Variants in UGGT1 observed in about 807,000 individuals in gnomAD.
UGGT1 encodes UDP-glucose glycoprotein glucosyltransferase 1.
Under a neutral mutation model 203.9 loss-of-function variants are expected in UGGT1, and 107 were observed. The observed-to-expected ratio is 0.52, with a 90% CI of 0.45 to 0.62. The LOEUF (loss-of-function observed/expected upper bound fraction) is 0.62, where lower values mean the gene tolerates loss of function less well. UGGT1 is among the 20% of genes least tolerant of loss of function. The probability of loss-of-function intolerance (pLI) is 0.00; values close to 1 mark genes in which losing one functional copy is unlikely to be tolerated. For missense variants in UGGT1, 1,673 were observed against 1,867.2 expected, an observed-to-expected ratio of 0.90 and a Z score of 1.92; for synonymous variants, 628 against 653.5, an observed-to-expected ratio of 0.96 and a Z score of 0.59.
chr2:128,189,519 C>T (rs955778118), intron 40 of UGGT1, among the ~76,000 whole-genome samples, 198 bp from the exon 41 acceptor site: 1 of 152,154 alleles, frequency 6.6e-6, no homozygotes, highest in Admixed American at 6.5e-5. Context: ...CAGATAGTTT[C>T]CATTTTTAAA....
intron 15 of UGGT1, among the ~76,000 whole-genome samples, chr2:128,137,654 A>G (rs1444820214): frequency 1.3e-5 from 2 of 152,202 alleles, no homozygotes; most frequent in African/African-American, 2.4e-5. Flanking sequence ...CTTCTCTGCT[A>G]TCGTCTGGGA....
chr2:128,141,323 G>A (rs1689413068), intron 16 of UGGT1, among the ~76,000 whole-genome samples: 4 of 151,988 alleles, frequency 2.6e-5, no homozygotes, highest in South Asian at 4.2e-4. Context: ...GGCCGGGCAC[G>A]GTGGCTCATG....
intron 22 of UGGT1, among the ~76,000 whole-genome samples, chr2:128,158,282 G>C (rs1169363134): frequency 2.0e-5 from 3 of 152,142 alleles, no homozygotes; most frequent in Admixed American, 6.5e-5. Flanking sequence ...AGGACACACA[G>C]TGTCACAAAG....
chr2:128,145,217 C>G (rs1417929550), intron 17 of UGGT1, among the ~76,000 whole-genome samples: 1 of 152,142 alleles, frequency 6.6e-6, no homozygotes, highest in African/African-American at 2.4e-5. Context: ...AGGCTTTTTG[C>G]ATAGAGCGCT....
chr2:128,139,486 G>C (rs1689302744), intron 16 of UGGT1, among the ~76,000 whole-genome samples: 1 of 152,178 alleles, frequency 6.6e-6, no homozygotes. Flanking sequence ...AAAGAAGATA[G>C]AGAGATGGTA....
At chr2:128,162,761 C>CCTG in intron 25 of UGGT1, among the ~76,000 whole-genome samples, 1 of 152,100 alleles carries the variant, frequency 6.6e-6, no homozygotes, top group Non-Finnish European at 1.5e-5. Flanking sequence ...TGCTGTTGGA[C>CCTG]CACTGCAGGG....
chr2:128,110,441 A>G lies in UGGT1; in HGVS notation c.521+695A>G, dbSNP rs73955907. 2.7e-3 allele frequency among the ~76,000 whole-genome samples: 418 copies of G among 152,322 alleles called. 5 individuals carry two copies. Among genetic ancestry groups the G allele is most frequent in the African/African-American group, 8.7e-3 (363 of 41,578 alleles). Reference sequence around the variant, plus strand: ...CATCCTCTGCCCACCAAATGGCATTAGTGCTTCTTACTCAGAGTGCCGACC... The same window carrying G: ...CATCCTCTGCCCACCAAATGGCATTGGTGCTTCTTACTCAGAGTGCCGACC... On this transcript the variant is annotated intron_variant, in intron 5 of 40. Transcript: ENST00000259253.
At chr2:128,121,533 G>T (rs1688382548) in intron 10 of UGGT1, among the ~76,000 whole-genome samples, 1 of 150,696 alleles carries the variant, frequency 6.6e-6, no homozygotes, top group Admixed American at 6.7e-5. Context: ...AGCCTCCCAA[G>T]TAGCTGGTAC....
Position 128,107,998 on chromosome 2 carries a change from T to G in UGGT1, c.338T>G (p.Leu113Arg). The G allele has an allele frequency of 6.2e-7, 1 of 1,614,170 alleles. No homozygotes were observed. The highest frequency in any genetic ancestry group is 8.5e-7 in the Non-Finnish European group (1 of 1,180,016). The change falls in exon 4 of 41, where the codon CTC (leucine) becomes CGC (arginine). Residue 113 changes from leucine to arginine, a missense_variant. Transcript: ENST00000259253. Reference sequence around the variant, plus strand: ...GCTGCATTTCAGTTTCTGTCACCCCTCCAGCAGAATTTGTTTAAATTTTGT... The same window carrying G: ...GCTGCATTTCAGTTTCTGTCACCCCGCCAGCAGAATTTGTTTAAATTTTGT... The part of the protein sequence containing the change: ...LEAAFQFLSP[L>R]QQNLFKFCLS...
intron 25 of UGGT1, 38 bp downstream of exon 25, chr2:128,161,306 A>T (rs756161977): frequency 1.9e-6 from 3 of 1,603,482 alleles, no homozygotes; most frequent in Non-Finnish European, 1.7e-6. Context: ...GGGGTTATAT[A>T]ATTGGACTTT....
chr2:128,133,075 A>T (rs1688957872), intron 13 of UGGT1, 66 bp from the exon 14 acceptor site: 1 of 1,564,072 alleles, frequency 6.4e-7, no homozygotes, highest in Admixed American at 1.8e-5. Context: ...AGTCTTATTG[A>T]TATTATTGCA....
At chr2:128,121,432 T>C in intron 10 of UGGT1, 134 bp downstream of exon 10, 1 of 585,900 alleles carries the variant, frequency 1.7e-6, no homozygotes, top group Non-Finnish European at 2.7e-6. Flanking sequence ...TGAGATGGAG[T>C]CTCACTCTTG....
Position 128,192,575 on chromosome 2 carries a change from T to C in UGGT1, c.*2833T>C, listed in dbSNP as rs1692319410. The C allele has an allele frequency of 6.6e-6, 1 of 152,220 alleles. No individual in the cohort carries two copies. The highest frequency in any genetic ancestry group is 1.5e-5 in the Non-Finnish European group (1 of 68,050). 9.4% of individuals were successfully genotyped at this position (152,220 alleles called of 1,614,324 possible). ...CAGAGTAATATGAAATAATGTGATA[T>C]GTCAGAGTGACATGCAGCATCCTGA... On this transcript the variant is annotated 3_prime_UTR_variant, in exon 41 of 41. Coordinates refer to ENST00000259253, the MANE Select transcript of UGGT1 (RefSeq NM_020120.4).
At chr2:128,174,309 G>GTTTTTT (rs536672995) in intron 30 of UGGT1, among the ~76,000 whole-genome samples, 21 of 134,450 alleles carry the variant, frequency 1.6e-4, no homozygotes, top group African/African-American at 4.9e-4. Flanking sequence ...TATTGTACTA[G>GTTTTTT]TTTTTTTTTT....
intron 2 of UGGT1, among the ~76,000 whole-genome samples, chr2:128,098,706 G>C (rs536708391): frequency 1.3e-5 from 2 of 149,116 alleles, no homozygotes; most frequent in African/African-American, 5.0e-5. Context: ...CCCAGATCAC[G>C]CCATTGCAGT....
At chr2:128,164,233 A>G (rs1315903169) in intron 25 of UGGT1, among the ~76,000 whole-genome samples, 2 of 152,154 alleles carry the variant, frequency 1.3e-5, no homozygotes, top group African/African-American at 4.8e-5. Flanking sequence ...TTTTTATAAT[A>G]TGTTTTTAAG....
chr2:128,185,658 A>G, intron 38 of UGGT1, among the ~76,000 whole-genome samples: 1 of 151,792 alleles, frequency 6.6e-6, no homozygotes, highest in East Asian at 1.9e-4. Context: ...TATTTTTTAT[A>G]GAGATGGGGT....
intron 10 of UGGT1, among the ~76,000 whole-genome samples, chr2:128,121,508 C>T (rs983486658): frequency 1.4e-5 from 2 of 147,846 alleles, no homozygotes; most frequent in Non-Finnish European, 3.0e-5. Flanking sequence ...CAGGTTCAAG[C>T]GATTCTCCTG....
intron 3 of UGGT1, among the ~76,000 whole-genome samples, chr2:128,105,124 C>T (rs1044019635): frequency 6.7e-6 from 1 of 148,598 alleles, no homozygotes; most frequent in African/African-American, 2.5e-5. Flanking sequence ...CTCAAGTGAT[C>T]CTCCCACCTC....
Sources: gnomAD v4.1 joint callset for allele counts (sites outside exome capture counted in the v4.1 genomes callset) on GRCh38, gnomAD v4.1.1 for gene constraint, MANE v1.5 for transcripts, NCBI Gene and HGNC (gene_info 2026-07-23, HGNC 2026-07-21) for gene names.